The following SUGCT variants were observed in gnomAD, a reference collection of about 807,000 sequenced individuals.
SUGCT encodes succinyl-CoA:glutarate CoA-transferase.
SUGCT carries 41 observed loss-of-function variants against 55.0 expected under a neutral mutation model. The ratio of observed to expected loss-of-function variants is 0.74; its 90% CI spans 0.58 to 0.97. SUGCT has a LOEUF of 0.97. Ranked by LOEUF, SUGCT falls within the 50% of genes least tolerant of loss-of-function variation. The pLI is 0.00. For synonymous variants in SUGCT, 187 were observed against 200.4 expected (o/e 0.93, Z 0.56); for missense variants, 568 against 547.8 (o/e 1.04, Z -0.37).
intron 9 of SUGCT, among the ~76,000 whole-genome samples, chr7:40,372,216 C>T (rs556097035): frequency 2.6e-5 from 4 of 152,032 alleles, no homozygotes; most frequent in African/African-American, 9.6e-5. Context: ...TGGAGATGAC[C>T]TCTGTGACTT....
intron 10 of SUGCT, among the ~76,000 whole-genome samples, chr7:40,451,848 T>G (rs1789208075): frequency 6.6e-6 from 1 of 152,222 alleles, no homozygotes; most frequent in African/African-American, 2.4e-5. Flanking sequence ...AGCATTTTTT[T>G]TTACTCATAT....
At chr7:40,465,925 A>C (rs1028766234) in intron 11 of SUGCT, among the ~76,000 whole-genome samples, 3 of 152,156 alleles carry the variant, frequency 2.0e-5, no homozygotes, top group Non-Finnish European at 4.4e-5. Context: ...TCTGTCACCC[A>C]GGCTAGCGTG....
downstream of SUGCT, among the ~76,000 whole-genome samples, chr7:40,861,643 CTTT>C (rs1794487474): frequency 6.6e-6 from 1 of 152,178 alleles, no homozygotes; most frequent in African/African-American, 2.4e-5. Flanking sequence ...TCATATTCTT[CTTT>C]ATTAGAATGA....
chr7:40,525,504 G>A (rs559260338), intron 12 of SUGCT, among the ~76,000 whole-genome samples: 2 of 152,088 alleles, frequency 1.3e-5, no homozygotes, highest in African/African-American at 4.8e-5. Flanking sequence ...AGGATTAAGA[G>A]ATTGTTCAGT....
chr7:40,562,298 CAAAA>C (rs113046606), intron 12 of SUGCT, among the ~76,000 whole-genome samples: 2 of 92,028 alleles, frequency 2.2e-5, no homozygotes, highest in Non-Finnish European at 4.7e-5. Context: ...GATTCCGTCT[CAAAA>C]AAAAAAAAAA....
At chr7:40,797,318 CTGT>C (rs1352483086) in intron 13 of SUGCT, among the ~76,000 whole-genome samples, 1 of 152,078 alleles carries the variant, frequency 6.6e-6, no homozygotes, top group Non-Finnish European at 1.5e-5. Context: ...CCTTATAAAA[CTGT>C]TTTTTTTAAT....
intron 13 of SUGCT, among the ~76,000 whole-genome samples, chr7:40,857,503 A>C (rs1418587371): frequency 6.6e-6 from 1 of 152,178 alleles, no homozygotes; most frequent in Non-Finnish European, 1.5e-5. Context: ...CAAAAGGTTA[A>C]ATACTCTTCA....
intron 9 of SUGCT, chr7:40,388,066 G>T (rs887798660): frequency 6.6e-6 from 1 of 152,154 alleles, no homozygotes; most frequent in African/African-American, 2.4e-5. Context: ...TGCTGAATTT[G>T]TCGCTTACAT....
chr7:40,820,550 G>C (rs1361831526), intron 13 of SUGCT, among the ~76,000 whole-genome samples: 1 of 152,190 alleles, frequency 6.6e-6, no homozygotes, highest in East Asian at 1.9e-4. Flanking sequence ...GTTCACTCAT[G>C]ATTTGGCTCT....
chr7:40,680,286 A>G (rs994290194), intron 12 of SUGCT, among the ~76,000 whole-genome samples: 7 of 152,222 alleles, frequency 4.6e-5, no homozygotes, highest in Admixed American at 2.6e-4. Flanking sequence ...ATTATGTTCA[A>G]TAAGTGCTAA....
At chr7:40,864,778 G>A (rs1273075361), downstream of SUGCT, among the ~76,000 whole-genome samples, 2 of 152,014 alleles carry the variant, frequency 1.3e-5, no homozygotes, top group African/African-American at 2.4e-5. Context: ...CATTTCCTTG[G>A]AAGACTCTGG....
At chr7:41,011,118 A>G in the SUGCT span, among the ~76,000 whole-genome samples, 2 of 152,202 alleles carry the variant, frequency 1.3e-5, no homozygotes, top group Non-Finnish European at 2.9e-5. Flanking sequence ...CTAGATTATG[A>G]CAGTTCTATA....
At chr7:40,780,457 A>G (rs1232597813) in intron 13 of SUGCT, among the ~76,000 whole-genome samples, 1 of 152,170 alleles carries the variant, frequency 6.6e-6, no homozygotes, top group East Asian at 1.9e-4. Flanking sequence ...ACATACAGAA[A>G]TCCCAGCAGT....
intron 13 of SUGCT, among the ~76,000 whole-genome samples, chr7:40,830,421 G>A (rs1792598630): frequency 6.6e-6 from 1 of 152,106 alleles, no homozygotes. Flanking sequence ...AGACCCCTGA[G>A]GACCTCCTTG....
chr7:40,384,904 C>A (rs1785040352), intron 9 of SUGCT, among the ~76,000 whole-genome samples: 1 of 152,102 alleles, frequency 6.6e-6, no homozygotes, highest in South Asian at 2.1e-4. Flanking sequence ...AGTCATTGTG[C>A]TAGGTTCTGA....
At chr7:40,888,505 C>A in the SUGCT span, among the ~76,000 whole-genome samples, 2 of 151,576 alleles carry the variant, frequency 1.3e-5, no homozygotes. Flanking sequence ...TCAGGTTTTC[C>A]AGCAGTGTGT....
intron 7 of SUGCT, among the ~76,000 whole-genome samples, chr7:40,250,828 CT>C (rs67372014): frequency 0.012 from 1,415 of 121,150 alleles, 31 homozygotes; most frequent in African/African-American, 0.046. Flanking sequence ...TTTCACGCTT[CT>C]TTTTTTTTTT....
At chr7:40,901,558 AATG>A in the SUGCT span, among the ~76,000 whole-genome samples, 1 of 152,186 alleles carries the variant, frequency 6.6e-6, no homozygotes, top group East Asian at 1.9e-4. Flanking sequence ...GGCCTCACGG[AATG>A]ATGTTACCAA....
chr7:40,581,426 C>A (rs1055659992), intron 12 of SUGCT, among the ~76,000 whole-genome samples: 8 of 151,996 alleles, frequency 5.3e-5, no homozygotes, highest in African/African-American at 1.7e-4. Context: ...ACTTGACATA[C>A]CTTGATTTAC....
Sources: gnomAD v4.1 joint callset for allele counts (sites outside exome capture counted in the v4.1 genomes callset) on GRCh38, gnomAD v4.1.1 for gene constraint, MANE v1.5 for transcripts, NCBI Gene and HGNC (gene_info 2026-07-23, HGNC 2026-07-21) for gene names.